The following CLTCL1 variants were observed in gnomAD, a reference collection of about 807,000 sequenced individuals.
CLTCL1 encodes the protein clathrin heavy chain like 1.
In CLTCL1, 159 loss-of-function variants were observed where a neutral mutation model predicts 190.0. That is an observed-to-expected ratio of 0.84 (90% confidence interval 0.74 to 0.95). CLTCL1 has a LOEUF of 0.95. CLTCL1 is among the 40% of genes least tolerant of loss of function. CLTCL1 has a pLI of 0.00. For synonymous variants in CLTCL1, 752 were observed against 769.6 expected, an observed-to-expected ratio of 0.98 and a Z score of 0.38; for missense variants, 1,878 against 2,033.4, an observed-to-expected ratio of 0.92 and a Z score of 1.47.
At position 19,215,602 on chromosome 22, in the gene CLTCL1, G is replaced by A. The variant is rs576997683; in HGVS notation, c.3065+509C>T. Among the ~76,000 whole-genome samples the A allele has an allele frequency of 2.1e-4, 32 of 152,238 alleles. No individual in the cohort carries two copies. The East Asian group carries it at 5.2e-3, about 25-fold the overall frequency. The stretch of plus-strand genomic sequence containing the variant: ...CGTGCACTCTCACCTCTATAGTGCC[G>A]GTCCATCGGAAGCACGCACTCGCAC... On this transcript the variant is annotated intron_variant, in intron 19 of 32. Coordinates refer to ENST00000427926, the MANE Select transcript of CLTCL1 (RefSeq NM_007098.4).
chr22:19,278,799 T>C (rs979589483), intron 1 of CLTCL1, among the ~76,000 whole-genome samples: 3 of 152,216 alleles, frequency 2.0e-5, no homozygotes, highest in Admixed American at 2.0e-4. Flanking sequence ...TGGAGTGCAG[T>C]GGCGTGATCT....
chr22:19,196,172 G>A, intron 26 of CLTCL1, 94 bp downstream of exon 26: 3 of 1,294,814 alleles, frequency 2.3e-6, no homozygotes, highest in Non-Finnish European at 2.1e-6. Flanking sequence ...GGGGCATGCT[G>A]GTACTCATTC....
chr22:19,209,877 G>A (rs2085163441), intron 20 of CLTCL1, among the ~76,000 whole-genome samples: 2 of 152,128 alleles, frequency 1.3e-5, no homozygotes, highest in Non-Finnish European at 2.9e-5. Flanking sequence ...AGGGCTGGAG[G>A]GCCTGCTCTG....
rs374875733 is a variant in CLTCL1 at position 19,230,097 on chromosome 22, G to GTTTTTT, written c.1645-123_1645-122insAAAAAA. ...AATTCAGCAATTAGTTCCCTCCCTT[G>GTTTTTT]GTTTTTTTTTTTTTTTTGAGATGGA... On this transcript the variant is annotated intron_variant, in intron 10 of 32. Coordinates refer to ENST00000427926, the MANE Select transcript of CLTCL1 (RefSeq NM_007098.4). 6.7e-5 allele frequency: 38 copies of GTTTTTT among 565,642 alleles called. 15 individuals carry two copies. Among genetic ancestry groups the GTTTTTT allele is most frequent in the African/African-American group, 2.6e-4 (10 of 37,792 alleles). 35.0% of individuals were successfully genotyped at this position (565,642 alleles called of 1,614,324 possible). A position where few individuals can be genotyped will look rare whatever the true frequency, so the allele number is the denominator to read the frequency against.
In CLTCL1 at chr22:19,216,042, C is replaced by T. The variant is rs1555949229; in HGVS notation, c.3065+69G>A. 18 of 1,487,930 alleles carry T rather than the reference C, an allele frequency of 1.2e-5. No individual in the cohort carries two copies. In the Admixed American group the frequency reaches 3.4e-4, roughly 28 times the overall value. 92.2% of individuals were successfully genotyped at this position (1,487,930 alleles called of 1,614,324 possible). On this transcript the variant is annotated intron_variant, in intron 19 of 32. Transcript: ENST00000427926. ...TGGGTGAAGCGGTACGAGATTGTAA[C>T]AGAAGATGAGTATCAAGCAGATGTT...
In CLTCL1 at chr22:19,198,648, T is replaced by C. The variant is rs2084784413; in HGVS notation, c.3873+1086A>G. Among the ~76,000 whole-genome samples the C allele has an allele frequency of 6.6e-6, 1 of 152,186 alleles. No homozygotes were observed. The highest frequency in any genetic ancestry group is 1.5e-5 in the Non-Finnish European group (1 of 68,028). On this transcript the variant is annotated intron_variant, in intron 24 of 32. Transcript: ENST00000427926. This position sits in a 1 kb window ranked among gnomAD's most constrained non-coding sequence, Gnocchi z 4.1. ...CAAATGTCACCCCCTCAATTGCTGC[T>C]ACCTTGACCGCCCCTTTATGAAACT...
intron 19 of CLTCL1, among the ~76,000 whole-genome samples, chr22:19,213,096 A>C (rs1375061294): frequency 1.3e-5 from 2 of 152,254 alleles, no homozygotes; most frequent in African/African-American, 4.8e-5. Context: ...ACTTGTATCC[A>C]GAATATACAA....
At chr22:19,191,250 CTT>C (rs1420173520) in intron 27 of CLTCL1, 52 bp downstream of exon 27, 4 of 1,603,932 alleles carry the variant, frequency 2.5e-6, no homozygotes, top group Non-Finnish European at 3.4e-6. Flanking sequence ...ATTCAGATGA[CTT>C]TGTTAGAGCT....
intron 15 of CLTCL1, 61 bp from the exon 16 acceptor site, chr22:19,222,154 C>A (rs2085593365): frequency 1.3e-6 from 2 of 1,576,676 alleles, no homozygotes; most frequent in Admixed American, 1.7e-5. Context: ...TTAGAAGCCT[C>A]CTACGACGTG....
In CLTCL1 at chr22:19,291,630, G is replaced by A. The variant is rs1443999627; in HGVS notation, c.12C>T (p.Ile4=). 6.4e-6 allele frequency: 9 copies of A among 1,404,912 alleles called. No homozygotes were observed. The highest frequency in any genetic ancestry group is 8.4e-6 in the Non-Finnish European group (9 of 1,065,580). The allele number at this position is 1,404,912 out of a possible 1,614,324, so 87.0% of individuals were successfully genotyped here. A position where few individuals can be genotyped will look rare whatever the true frequency, so the allele number is the denominator to read the frequency against. The change falls in exon 1 of 33, where the codon ATC becomes ATT. Residue 4 remains isoleucine (I), a synonymous_variant. Transcript: ENST00000427926. ...AGTGCTCCTGAAAGCGAACAGGGAG[G>A]ATCTGCGCCATGGCTGGTGCGGGAC... is the stretch of plus-strand genomic sequence containing the variant. MAQ[I]LPVRFQEHFQ... is the part of the protein sequence containing the mutation.
chr22:19,259,262 T>C (rs2086865019), intron 2 of CLTCL1, among the ~76,000 whole-genome samples: 1 of 152,098 alleles, frequency 6.6e-6, no homozygotes, highest in Non-Finnish European at 1.5e-5. Context: ...CCCACCACCA[T>C]GCCCGACTAA....
At chr22:19,233,040 C>T in intron 9 of CLTCL1, 126 bp downstream of exon 9, 2 of 990,242 alleles carry the variant, frequency 2.0e-6, no homozygotes, top group South Asian at 3.3e-5. Flanking sequence ...AAGATCCTAA[C>T]AGCAACATTG....
chr22:19,254,367 G>T, intron 2 of CLTCL1, 140 bp from the exon 3 acceptor site: 1 of 719,808 alleles, frequency 1.4e-6, no homozygotes, highest in Non-Finnish European at 2.2e-6. Context: ...GAAAGATGCT[G>T]CCAGAGTAGT....
At chr22:19,233,122 C>T (rs782356431) in intron 9 of CLTCL1, 44 bp downstream of exon 9, 2 of 1,583,332 alleles carry the variant, frequency 1.3e-6, no homozygotes. Context: ...CACTCAACCA[C>T]ACGTGAGTAA....
intron 30 of CLTCL1, chr22:19,182,198 C>T (rs782760283): frequency 3.3e-5 from 5 of 152,302 alleles, no homozygotes; most frequent in African/African-American, 1.2e-4. Context: ...GGAAAACCTG[C>T]TCATCATGGT....
intron 5 of CLTCL1, among the ~76,000 whole-genome samples, chr22:19,237,626 T>C (rs907555218): frequency 3.3e-5 from 5 of 152,186 alleles, no homozygotes; most frequent in Non-Finnish European, 7.3e-5. Flanking sequence ...TTCTTGTAAA[T>C]GTAAATACCA....
At chr22:19,185,372 G>C (rs1386040980) in intron 29 of CLTCL1, among the ~76,000 whole-genome samples, 5 of 151,214 alleles carry the variant, frequency 3.3e-5, no homozygotes, top group Non-Finnish European at 7.4e-5. Flanking sequence ...TGTCACCCAG[G>C]CTGGAGTGCA....
intron 17 of CLTCL1, 80 bp from the exon 18 acceptor site, chr22:19,220,087 CCT>C (rs1299824187): frequency 5.1e-6 from 8 of 1,567,480 alleles, no homozygotes; most frequent in Non-Finnish European, 7.0e-6. Context: ...CAATTCGTTC[CCT>C]GTGTGCCTGA....
chr22:19,193,852 CAGTG>C (rs1328357821), intron 26 of CLTCL1, among the ~76,000 whole-genome samples: 1 of 152,180 alleles, frequency 6.6e-6, no homozygotes, highest in Non-Finnish European at 1.5e-5. Flanking sequence ...CAGACCTTCG[CAGTG>C]AGTGTTACAG....
Sources: gnomAD v4.1 joint callset for allele counts (sites outside exome capture counted in the v4.1 genomes callset) on GRCh38, gnomAD v4.1.1 for gene constraint, Gnocchi (gnomAD v3.1) non-coding constraint, MANE v1.5 for transcripts, NCBI Gene and HGNC (gene_info 2026-07-23, HGNC 2026-07-21) for gene names.